Variants in ADCK1 observed in about 807,000 individuals in gnomAD.
ADCK1 encodes aarF domain-containing protein kinase 1.
In ADCK1, 41 loss-of-function variants were observed where a neutral mutation model predicts 52.3. The observed-to-expected ratio is 0.78, with a 90% CI of 0.61 to 1.02. The LOEUF (loss-of-function observed/expected upper bound fraction) is 1.02. ADCK1 is among the 50% of genes least tolerant of loss of function. The pLI, the probability that ADCK1 is intolerant of heterozygous loss-of-function variation, is 0.00. For synonymous variants in ADCK1, 250 were observed against 274.6 expected (o/e 0.91, Z 0.89); for missense variants, 658 against 679.5 (o/e 0.97, Z 0.35).
At position 77,931,594 on chromosome 14, in the gene ADCK1, T is replaced by C. The variant is rs1043980378; in HGVS notation, c.1283T>C (p.Met428Thr). The C allele has an allele frequency of 4.3e-6, 7 of 1,613,824 alleles. No individual in the cohort carries two copies. Among genetic ancestry groups the C allele is most frequent in the Middle Eastern group, 1.6e-4 (1 of 6,084 alleles). Residue 428 changes from methionine to threonine, a missense_variant, in exon 10 of 11, where the codon ATG becomes ACG. Met to Thr is a moderately conservative substitution (Grantham distance 81). Coordinates refer to ENST00000238561, the MANE Select transcript of ADCK1 (RefSeq NM_020421.4). The part of the protein sequence containing the change: ...SHLLNHVPRQ[M>T]LLILKTNDLL... ...CTCCTCAACCACGTGCCGCGCCAGA[T>C]GCTGCTCATCTTGAAGACCAACGAC...
intron 1 of ADCK1, among the ~76,000 whole-genome samples, chr14:77,814,695 C>CAAAAAAAAAAAAAAAA (rs995163952): frequency 2.2e-4 from 8 of 35,918 alleles, no homozygotes; most frequent in Non-Finnish European, 3.3e-4. Context: ...AAGACACTCT[C>CAAAAAAAAAAAAAAAA]AAAAAAAAAA....
intron 1 of ADCK1, among the ~76,000 whole-genome samples, chr14:77,810,707 A>G (rs2081322638): frequency 6.6e-6 from 1 of 151,584 alleles, no homozygotes; most frequent in Non-Finnish European, 1.5e-5. Context: ...ATTTGTTTGT[A>G]TTTTTAGTAG....
intron 10 of ADCK1, 50 bp downstream of exon 10, chr14:77,931,761 C>A: frequency 6.4e-7 from 1 of 1,560,862 alleles, no homozygotes; most frequent in South Asian, 1.2e-5. Context: ...CTGGCCTGCC[C>A]CAGGGGTCCT....
chr14:77,818,877 T>C, intron 1 of ADCK1, 91 bp from the exon 2 acceptor site: 1 of 1,443,148 alleles, frequency 6.9e-7, no homozygotes, highest in Non-Finnish European at 9.5e-7. Flanking sequence ...GGTCATATAA[T>C]CTAAGTGGTA....
At chr14:77,886,263 C>T (rs917533484) in intron 4 of ADCK1, among the ~76,000 whole-genome samples, 4 of 152,208 alleles carry the variant, frequency 2.6e-5, no homozygotes, top group Admixed American at 2.6e-4. Flanking sequence ...TCTTTGAGCT[C>T]CCCTGGTTGG....
intron 3 of ADCK1, among the ~76,000 whole-genome samples, chr14:77,847,646 T>A (rs1456010853): frequency 6.6e-6 from 1 of 152,200 alleles, no homozygotes; most frequent in African/African-American, 2.4e-5. Context: ...AGGGTTATCG[T>A]TGAAGATTGT....
chr14:77,877,986 G>A (rs1319305389), intron 4 of ADCK1, among the ~76,000 whole-genome samples: 1 of 151,954 alleles, frequency 6.6e-6, no homozygotes, highest in Non-Finnish European at 1.5e-5. Flanking sequence ...TCTCAGAGAA[G>A]CTCTCTCTGC....
intron 4 of ADCK1, among the ~76,000 whole-genome samples, chr14:77,863,142 G>T (rs535028555): frequency 6.6e-6 from 1 of 152,290 alleles, no homozygotes; most frequent in South Asian, 2.1e-4. Flanking sequence ...CATTATGAAG[G>T]GCCTAGAATG....
intron 4 of ADCK1, among the ~76,000 whole-genome samples, chr14:77,865,003 T>G (rs1228980588): frequency 1.3e-5 from 2 of 152,118 alleles, no homozygotes; most frequent in African/African-American, 4.8e-5. Context: ...AAATCTTGGC[T>G]GGGCACAGTG....
chr14:77,900,196 C>T (rs2083502788), intron 6 of ADCK1, among the ~76,000 whole-genome samples: 1 of 152,094 alleles, frequency 6.6e-6, no homozygotes, highest in African/African-American at 2.4e-5. Flanking sequence ...CATAAGACCA[C>T]AATACACATG....
chr14:77,911,088 A>G (rs2083780920), intron 7 of ADCK1, among the ~76,000 whole-genome samples: 1 of 152,212 alleles, frequency 6.6e-6, no homozygotes, highest in African/African-American at 2.4e-5. Flanking sequence ...TAAGCAACTA[A>G]TATGTGCCAG....
chr14:77,832,002 G>C (rs2081862399), intron 3 of ADCK1, among the ~76,000 whole-genome samples: 2 of 150,816 alleles, frequency 1.3e-5, no homozygotes, highest in Non-Finnish European at 3.0e-5. Flanking sequence ...TTTTGAGACG[G>C]AGTCTCACTG....
chr14:77,929,904 A>G (rs1459367518), intron 9 of ADCK1, among the ~76,000 whole-genome samples: 3 of 152,122 alleles, frequency 2.0e-5, no homozygotes, highest in Non-Finnish European at 4.4e-5. Flanking sequence ...TGACCTCGTG[A>G]TCTGCCCATC....
chr14:77,851,056 G>A (rs12891769), intron 3 of ADCK1, among the ~76,000 whole-genome samples: 45,166 of 151,498 alleles, frequency 0.3, 8,146 homozygotes, highest in East Asian at 0.49. Flanking sequence ...CATCAACTCC[G>A]TACATTTAAC....
chr14:77,836,765 CT>C (rs2081967775), intron 3 of ADCK1, among the ~76,000 whole-genome samples: 1 of 59,446 alleles, frequency 1.7e-5, no homozygotes, highest in African/African-American at 5.8e-5. Flanking sequence ...CCTTTTCTTT[CT>C]TTCTTTCTTT....
At chr14:77,898,647 G>A (rs1240357165) in intron 5 of ADCK1, among the ~76,000 whole-genome samples, 4 of 152,096 alleles carry the variant, frequency 2.6e-5, no homozygotes, top group Non-Finnish European at 5.9e-5. Context: ...TTGGGCGACG[G>A]TTGGGGGGTG....
In ADCK1 at chr14:77,931,653, CGCGCCA is replaced by C. The variant is rs775251025; in HGVS notation, c.1351_1356del (p.Ala451_Ser452del). On this transcript the variant is annotated inframe_deletion, in exon 10 of 11. Transcript: ENST00000238561. Reference sequence around the variant, plus strand: ...TGGCATTGAGGCCGCCCTGGGCACCCGCGCCAGCGCCAGCTCCTTTCTCAACATGTC... The same window carrying C: ...TGGCATTGAGGCCGCCCTGGGCACCCGCGCCAGCTCCTTTCTCAACATGTC... The C allele has an allele frequency of 6.2e-7, 1 of 1,610,722 alleles. No individual in the cohort carries two copies. The highest frequency in any genetic ancestry group is 8.5e-7 in the Non-Finnish European group (1 of 1,180,018).
At chr14:77,925,207 A>T (rs539170354) in intron 8 of ADCK1, among the ~76,000 whole-genome samples, 7 of 152,238 alleles carry the variant, frequency 4.6e-5, no homozygotes, top group Admixed American at 4.6e-4. Context: ...AGTAGAATGC[A>T]TTAGTTTAGG....
intron 4 of ADCK1, 120 bp downstream of exon 4, chr14:77,859,399 C>A: frequency 2.1e-6 from 2 of 975,506 alleles, no homozygotes; most frequent in Non-Finnish European, 3.0e-6. Flanking sequence ...AACCAAATGT[C>A]ACAGCCACTC....
Sources: gnomAD v4.1 joint callset for allele counts (sites outside exome capture counted in the v4.1 genomes callset) on GRCh38, gnomAD v4.1.1 for gene constraint, MANE v1.5 for transcripts, NCBI Gene and HGNC (gene_info 2026-07-23, HGNC 2026-07-21) for gene names.